Variants in SCN1A observed in about 807,000 individuals in gnomAD.
SCN1A encodes the protein sodium voltage-gated channel alpha subunit 1.
SCN1A carries 13 observed loss-of-function variants against 193.7 expected under a neutral mutation model. The ratio of observed to expected loss-of-function variants is 0.07; its 90% confidence interval spans 0.04 to 0.11. SCN1A has a LOEUF of 0.11. Ranked by LOEUF, SCN1A falls within the 10% of genes least tolerant of loss-of-function variation. The probability of loss-of-function intolerance (pLI) is 1.00; values close to 1 mark genes in which losing one functional copy is unlikely to be tolerated. For missense variants in SCN1A, 1,432 were observed against 2,451.1 expected, an observed-to-expected ratio of 0.58 and a Z score of 8.78; for synonymous variants, 781 against 843.6, an observed-to-expected ratio of 0.93 and a Z score of 1.29.
intron 2 of SCN1A, among the ~76,000 whole-genome samples, chr2:166,112,539 T>C (rs1452099917): frequency 1.3e-5 from 2 of 152,134 alleles, no homozygotes; most frequent in African/African-American, 4.8e-5. Context: ...AAATGTGTAA[T>C]ATCTCTGAGG....
chr2:166,086,472 A>T (rs957634695), intron 2 of SCN1A, among the ~76,000 whole-genome samples: 2 of 152,108 alleles, frequency 1.3e-5, no homozygotes, highest in Non-Finnish European at 2.9e-5. Flanking sequence ...TCAGTTGAGG[A>T]TGTGCATGCT....
intron 3 of SCN1A, chr2:166,075,307 A>G (rs1308879290): frequency 6.6e-6 from 1 of 152,034 alleles, no homozygotes; most frequent in East Asian, 1.9e-4. Flanking sequence ...CCCTTCCTAG[A>G]GGCAACTACT....
At chr2:166,032,275 A>G (rs935487164) in intron 19 of SCN1A, among the ~76,000 whole-genome samples, 21 of 24,952 alleles carry the variant, frequency 8.4e-4, no homozygotes, top group African/African-American at 3.3e-3. Flanking sequence ...GCTTATTAGT[A>G]TACTCCTTTA....
rs751929295 is a variant in SCN1A, at chr2:165,996,014, C to G, written c.4580G>C (p.Gly1527Ala). The G allele has an allele frequency of 6.3e-7, 1 of 1,588,904 alleles. No individual in the cohort carries two copies. Among genetic ancestry groups the G allele is most frequent in the African/African-American group, 1.3e-5 (1 of 74,176 alleles). ...CCCATATCATTTGATACTTCTTACT[C>G]CTGGTCGAGGTATAGGCTTTTGCGG... Reference protein sequence around the residue: ...KKPQKPIPRPGNKFQGMVFDF... With the variant: ...KKPQKPIPRPANKFQGMVFDF... Residue 1527 changes from glycine to alanine, a missense_variant and splice_region_variant, in exon 27 of 29, where the codon GGA (glycine) becomes GCA (alanine). Transcript: ENST00000674923.
intron 4 of SCN1A, among the ~76,000 whole-genome samples, chr2:166,071,350 TAATCTC>T (rs1160476228): frequency 2.0e-5 from 3 of 152,180 alleles, no homozygotes; most frequent in Non-Finnish European, 4.4e-5. Context: ...ATGAGATTAA[TAATCTC>T]TTATCAACTA....
chr2:166,123,839 C>T (rs1263822119), intron 2 of SCN1A, among the ~76,000 whole-genome samples: 1 of 152,144 alleles, frequency 6.6e-6, no homozygotes, highest in African/African-American at 2.4e-5. Context: ...TTCCACAGAT[C>T]TGGCTGCACA....
intron 2 of SCN1A, chr2:166,123,538 G>A (rs868365739): frequency 1.3e-5 from 2 of 152,110 alleles, no homozygotes; most frequent in Non-Finnish European, 2.9e-5. Context: ...CGTAGAACAA[G>A]GAGTTTGATC....
chr2:166,052,096 T>C (rs1448089675), intron 8 of SCN1A, 108 bp from the exon 9 acceptor site: 1 of 1,027,884 alleles, frequency 9.7e-7, no homozygotes, highest in Non-Finnish European at 1.4e-6. Context: ...CCAAGAATGT[T>C]TGCAACGCTA....
intron 4 of SCN1A, among the ~76,000 whole-genome samples, chr2:166,061,573 T>G (rs1683310634): frequency 6.6e-6 from 1 of 152,186 alleles, no homozygotes; most frequent in Admixed American, 6.5e-5. Context: ...ATATTGAATG[T>G]TCCCAACACA....
chr2:166,051,951 C>T lies in SCN1A; in HGVS notation c.732G>A (p.Val244=). Reference sequence around the variant, plus strand: ...GGATCATTACATCTGAGAGCTTCTTCACAGACTGGATCAGGGCTCCCACAA... The same window carrying T: ...GGATCATTACATCTGAGAGCTTCTTTACAGACTGGATCAGGGCTCCCACAA... ...KTIVGALIQS[V]KKLSDVMILT... Residue 244 remains valine (V), a synonymous_variant, in exon 9 of 29, where the codon GTG becomes GTA. Transcript: ENST00000674923. The T allele has an allele frequency of 6.2e-7, 1 of 1,612,236 alleles. No individual in the cohort carries two copies. Among genetic ancestry groups the T allele is most frequent in the Non-Finnish European group, 8.5e-7 (1 of 1,178,756 alleles).
intron 2 of SCN1A, among the ~76,000 whole-genome samples, chr2:166,088,619 A>G (rs1191264406): frequency 6.6e-6 from 1 of 152,214 alleles, no homozygotes; most frequent in Non-Finnish European, 1.5e-5. Flanking sequence ...GCTAAAGCCT[A>G]TGCTCAAATT....
Position 165,994,482 on chromosome 2 carries a change from T to C in SCN1A, c.4582-66A>G, listed in dbSNP as rs548828539. 1,188 of 1,463,406 alleles carry C rather than the reference T, an allele frequency of 8.1e-4. 3 individuals carry two copies. Among genetic ancestry groups the C allele is most frequent in the Non-Finnish European group, 1.1e-3 (1,149 of 1,049,688 alleles). 90.7% of individuals were successfully genotyped at this position (1,463,406 alleles called of 1,614,324 possible). ...TCTCATGTGCATTAGCATTAAGTAC[T>C]TTCTGCATTAATTGACTTTCTAGTT... On this transcript the variant is annotated intron_variant, in intron 27 of 28. Coordinates refer to ENST00000674923, the MANE Select transcript of SCN1A (RefSeq NM_001165963.4).
chr2:166,004,809 C>CT (rs11446093), intron 23 of SCN1A, among the ~76,000 whole-genome samples: 4,095 of 151,502 alleles, frequency 0.027, 212 homozygotes, highest in African/African-American at 0.095. Context: ...CTGAAATACT[C>CT]TCCCCTCTTA....
rs191595338 is a variant in SCN1A, at chr2:166,117,267, T to C, written c.-142+9657A>G. ...CAAACAACTACACAAGTGCTTTACC[T>C]TAAGACAACCAGCATTATTGTTGAT... is the stretch of plus-strand genomic sequence containing the variant. On this transcript the variant is annotated intron_variant, in intron 2 of 28. Coordinates refer to ENST00000674923, the MANE Select transcript of SCN1A (RefSeq NM_001165963.4). Among the ~76,000 whole-genome samples, 452 of 152,338 alleles carry C rather than the reference T, an allele frequency of 3.0e-3. 3 individuals carry two copies. Among genetic ancestry groups the C allele is most frequent in the African/African-American group, 0.01 (431 of 41,584 alleles).
chr2:166,125,908 T>C (rs900636308), intron 2 of SCN1A, among the ~76,000 whole-genome samples: 1 of 152,192 alleles, frequency 6.6e-6, no homozygotes, highest in Non-Finnish European at 1.5e-5. Flanking sequence ...AGTCTATTAG[T>C]ATTGGCAGCA....
Position 165,994,168 on chromosome 2 carries a change from C to T in SCN1A, c.4830G>A (p.Val1610=). The part of the protein sequence containing the change: ...FTIGWNIFDF[V]VVILSIVGMF... ...TACCTACAATGGAGAGAATGACAAC[C>T]ACAAAATCAAAAATATTCCATCCAA... The change falls in exon 28 of 29, where the codon GTG becomes GTA. Residue 1610 remains valine (V), a synonymous_variant. Coordinates refer to ENST00000674923, the MANE Select transcript of SCN1A (RefSeq NM_001165963.4). The T allele has an allele frequency of 2.5e-6, 4 of 1,610,906 alleles. No individual in the cohort carries two copies. Among genetic ancestry groups the T allele is most frequent in the Non-Finnish European group, 3.4e-6 (4 of 1,178,158 alleles).
chr2:166,049,314 A>G (rs1052285929), intron 9 of SCN1A, among the ~76,000 whole-genome samples: 3 of 152,044 alleles, frequency 2.0e-5, no homozygotes, highest in Non-Finnish European at 2.9e-5. Context: ...CACGAAAAAA[A>G]TTCATTCAGT....
intron 14 of SCN1A, among the ~76,000 whole-genome samples, chr2:166,043,463 T>A (rs1697394372): frequency 6.6e-6 from 1 of 152,220 alleles, no homozygotes; most frequent in South Asian, 2.1e-4. Flanking sequence ...TTAGCACTTT[T>A]AATAAGTAAA....
chr2:166,001,700 T>A lies in SCN1A; in HGVS notation c.4284+772A>T, dbSNP rs183678727. On this transcript the variant is annotated intron_variant, in intron 24 of 28. Coordinates refer to ENST00000674923, the MANE Select transcript of SCN1A (RefSeq NM_001165963.4). The stretch of plus-strand genomic sequence containing the variant: ...AAAATGTTTAAAGGGCTACCTTTTT[T>A]AAATATAAATTATAAACTATTTTTC... 2.1e-3 allele frequency among the ~76,000 whole-genome samples: 317 copies of A among 151,726 alleles called. 2 individuals are homozygous for A. The highest frequency in any genetic ancestry group is 6.4e-3 in the African/African-American group (266 of 41,464).
Sources: allele counts gnomAD v4.1 joint callset (sites outside exome capture counted in the v4.1 genomes callset), GRCh38; gene constraint gnomAD v4.1.1; transcripts MANE v1.5; gene names NCBI Gene and HGNC (gene_info 2026-07-23, HGNC 2026-07-21).